DCAF4: variants seen among roughly 807,000 people sequenced by gnomAD.
DCAF4 encodes the protein DDB1- and CUL4-associated factor 4.
A neutral mutation model predicts 60.9 loss-of-function variants in DCAF4; 37 were observed. That is an observed-to-expected ratio of 0.61 (90% confidence interval 0.47 to 0.80). The LOEUF (loss-of-function observed/expected upper bound fraction) is 0.80. Ranked by LOEUF, DCAF4 falls within the 30% of genes least tolerant of loss-of-function variation. The pLI is 0.00. For synonymous variants in DCAF4, 243 were observed against 254.8 expected (o/e 0.95, Z 0.44); for missense variants, 577 against 650.0 (o/e 0.89, Z 1.22).
At position 72,955,602 on chromosome 14, in the gene DCAF4, G is replaced by A. The variant is rs1406113443; in HGVS notation, c.1085G>A (p.Trp362Ter). The change falls in exon 12 of 14, where the codon TGG (tryptophan) becomes TAG (stop). Residue 362 changes from tryptophan to a stop codon, truncating the protein, a stop_gained. Coordinates refer to ENST00000358377, the MANE Select transcript of DCAF4 (RefSeq NM_015604.4). LOFTEE classifies it high-confidence loss of function. Reference sequence around the variant, plus strand: ...CGTTGTGGAAATCAAGGCAAGGGATGGAAGGCCACCCGCCTGTTTCATGAT... The same window carrying A: ...CGTTGTGGAAATCAAGGCAAGGGATAGAAGGCCACCCGCCTGTTTCATGAT... ...DLRCGNQGKGWKATRLFHDSA... is the reference protein window; with the variant it reads ...DLRCGNQGKG 6.2e-7 allele frequency: 1 copy of A among 1,614,184 alleles called. No individual in the cohort carries two copies. Among genetic ancestry groups the A allele is most frequent in the Non-Finnish European group, 8.5e-7 (1 of 1,180,034 alleles).
At chr14:72,954,289 A>C (rs1401244283) in intron 10 of DCAF4, 27 bp downstream of exon 10, 1 of 1,613,884 alleles carries the variant, frequency 6.2e-7, no homozygotes. Context: ...AGGTGCCCAG[A>C]GAAGAGGCCT....
intron 1 of DCAF4, among the ~76,000 whole-genome samples, chr14:72,928,187 C>CTTTTTTTTTT (rs565229070): frequency 0.014 from 947 of 67,238 alleles, 170 homozygotes; most frequent in African/African-American, 0.054. Context: ...AATCCCCCCA[C>CTTTTTTTTTT]TTTTTTTTTT....
intron 8 of DCAF4, among the ~76,000 whole-genome samples, chr14:72,951,214 C>T (rs537626152): frequency 7.9e-5 from 12 of 152,060 alleles, no homozygotes; most frequent in Admixed American, 1.3e-4. Context: ...CTCCTGGACT[C>T]GAGTGATCCT....
chr14:72,951,714 C>T lies in DCAF4; in HGVS notation c.729-84C>T, dbSNP rs1000678723. On this transcript the variant is annotated intron_variant, in intron 8 of 13. Coordinates refer to ENST00000358377, the MANE Select transcript of DCAF4 (RefSeq NM_015604.4). ...GGTTACTCTGGCCTAGGTTGTGTGCCGTATGACTTTCTGAAGGGTAAATGT... is the reference window on the plus strand; with the variant it reads ...GGTTACTCTGGCCTAGGTTGTGTGCTGTATGACTTTCTGAAGGGTAAATGT... 31 of 1,316,176 alleles carry T rather than the reference C, an allele frequency of 2.4e-5. No individual in the cohort carries two copies. In the African/African-American group the frequency reaches 3.8e-4, roughly 16 times the overall value. The allele number at this position is 1,316,176 out of a possible 1,614,324, so 81.5% of individuals were successfully genotyped here.
At chr14:72,931,196 G>T (rs1356786188) in intron 1 of DCAF4, among the ~76,000 whole-genome samples, 1 of 147,130 alleles carries the variant, frequency 6.8e-6, no homozygotes, top group Non-Finnish European at 1.5e-5. Flanking sequence ...TTTCAACAGT[G>T]TTTTATAGTT....
chr14:72,958,905 G>A lies in DCAF4; in HGVS notation c.*100G>A. 6.8e-7 allele frequency: 1 copy of A among 1,473,676 alleles called. No homozygotes were observed. Among genetic ancestry groups the A allele is most frequent in the South Asian group, 1.4e-5 (1 of 70,166 alleles). The allele number at this position is 1,473,676 out of a possible 1,614,324, so 91.3% of individuals were successfully genotyped here. On this transcript the variant is annotated 3_prime_UTR_variant, in exon 14 of 14. Coordinates refer to ENST00000358377, the MANE Select transcript of DCAF4 (RefSeq NM_015604.4). ...GAGGGTGTTTTAAGTGACACTCAGT[G>A]TACACAGATCCCATCCTCTGGCTGC...
rs1282059298 is a variant in DCAF4 at position 72,953,767 on chromosome 14, T to A, written c.809-397T>A. ...TATATATATATATATATATATAGTT[T>A]ATTTATTTATTTATTTGTGTGTGTG... On this transcript the variant is annotated intron_variant, in intron 9 of 13. Transcript: ENST00000358377. Among the ~76,000 whole-genome samples the A allele has an allele frequency of 5.7e-3, 156 of 27,258 alleles. 15 individuals are homozygous for A. The highest frequency in any genetic ancestry group is 0.015 in the Middle Eastern group (1 of 66). 17.9% of individuals were successfully genotyped at this position (27,258 alleles called of 152,430 possible).
At chr14:72,952,775 ACCTCCG>A (rs561799575) in intron 9 of DCAF4, among the ~76,000 whole-genome samples, 150 of 144,288 alleles carry the variant, frequency 1.0e-3, no homozygotes, top group African/African-American at 3.5e-3. Flanking sequence ...GCTCACCACA[ACCTCCG>A]CCTCCCAGGT....
At chr14:72,929,739 A>G (rs6574112) in intron 1 of DCAF4, 1,074,493 of 1,104,112 alleles carry the variant, frequency 0.97, 522,971 homozygotes, top group East Asian at 1. Flanking sequence ...TTTCTCCTTG[A>G]AGACCTTCAG....
At chr14:72,928,585 TTA>T (rs57258334) in intron 1 of DCAF4, among the ~76,000 whole-genome samples, 1,360 of 15,792 alleles carry the variant, frequency 0.086, 14 homozygotes, top group South Asian at 0.19. Context: ...TAAACATCCT[TTA>T]TATATATATA....
chr14:72,954,691 A>T (rs1264889872), intron 11 of DCAF4, among the ~76,000 whole-genome samples: 2 of 152,154 alleles, frequency 1.3e-5, no homozygotes, highest in Non-Finnish European at 2.9e-5. Context: ...TGCTCTACAC[A>T]ACCTCTCATG....
At chr14:72,939,352 G>T (rs1244470861) in intron 2 of DCAF4, among the ~76,000 whole-genome samples, 2 of 152,100 alleles carry the variant, frequency 1.3e-5, no homozygotes, top group African/African-American at 4.8e-5. Flanking sequence ...CCAAACCCCA[G>T]TTTCTCTGTC....
rs1172330910 is a variant in DCAF4, at chr14:72,959,445, A to G, written c.*640A>G. Reference sequence around the variant, plus strand: ...CTAGAAGTTTTAAACGGTCCTTAACATGCCTTTGTTCAAGCACCTTCCAGA... The same window carrying G: ...CTAGAAGTTTTAAACGGTCCTTAACGTGCCTTTGTTCAAGCACCTTCCAGA... On this transcript the variant is annotated 3_prime_UTR_variant, in exon 14 of 14. Transcript: ENST00000358377. 2 of 985,380 alleles carry G rather than the reference A, an allele frequency of 2.0e-6. No homozygotes were observed. The highest frequency in any genetic ancestry group is 2.4e-6 in the Non-Finnish European group (2 of 829,944). The allele number at this position is 985,380 out of a possible 1,614,324, so 61.0% of individuals were successfully genotyped here.
chr14:72,932,880 T>C (rs1888747111), intron 1 of DCAF4, among the ~76,000 whole-genome samples: 1 of 151,480 alleles, frequency 6.6e-6, no homozygotes, highest in East Asian at 1.9e-4. Flanking sequence ...AATAATTTTT[T>C]TTTCTTTCTT....
chr14:72,954,380 C>T lies in DCAF4; in HGVS notation c.908-6C>T, dbSNP rs373042856. The T allele has an allele frequency of 1.3e-4, 203 of 1,614,046 alleles. No individual in the cohort carries two copies. Among genetic ancestry groups the T allele is most frequent in the Admixed American group, 1.8e-4 (11 of 59,998 alleles). ...AATCTTACCAGCCCATCTCTGTCTCCGCCAGGCTTGTCTCGGCGGGTCCTG... is the reference window on the plus strand; with the variant it reads ...AATCTTACCAGCCCATCTCTGTCTCTGCCAGGCTTGTCTCGGCGGGTCCTG... On this transcript the variant is annotated splice_region_variant and splice_polypyrimidine_tract_variant and intron_variant, in intron 10 of 13. Coordinates refer to ENST00000358377, the MANE Select transcript of DCAF4 (RefSeq NM_015604.4).
In DCAF4 at chr14:72,958,728, C is replaced by T. The variant is rs139428330; in HGVS notation, c.1411C>T (p.Arg471Trp). ...ADIPSVAFSS[R>W]LGGSRGAPGL... ...CATTCCCAGTGTGGCCTTCTCGTCG[C>T]GGCTGGGGGGCTCCCGGGGCGCGCC... Residue 471 changes from arginine to tryptophan, a missense_variant, in exon 14 of 14, where the codon CGG becomes TGG. Arg to Trp is a moderately radical substitution (Grantham distance 101, BLOSUM62 -3). Coordinates refer to ENST00000358377, the MANE Select transcript of DCAF4 (RefSeq NM_015604.4). 1.7e-5 allele frequency: 27 copies of T among 1,613,462 alleles called. No individual in the cohort carries two copies. Among genetic ancestry groups the T allele is most frequent in the South Asian group, 2.2e-5 (2 of 90,976 alleles).
chr14:72,952,515 T>C (rs1340373363), intron 9 of DCAF4, among the ~76,000 whole-genome samples: 1 of 152,168 alleles, frequency 6.6e-6, no homozygotes, highest in Non-Finnish European at 1.5e-5. Context: ...CAGGAGTGTG[T>C]CTTACCACCA....
At chr14:72,961,231 T>C (rs1892808392), downstream of DCAF4, among the ~76,000 whole-genome samples, 5 of 152,212 alleles carry the variant, frequency 3.3e-5, no homozygotes, top group South Asian at 1.0e-3. Flanking sequence ...GGGAAACAAG[T>C]TTGTTGAGTT....
intron 6 of DCAF4, among the ~76,000 whole-genome samples, chr14:72,944,021 T>C (rs1354083397): frequency 2.0e-5 from 3 of 152,100 alleles, no homozygotes; most frequent in Admixed American, 6.6e-5. Flanking sequence ...ACTGAATGAG[T>C]AGAATCGTCT....
Sources: allele counts gnomAD v4.1 joint callset (sites outside exome capture counted in the v4.1 genomes callset), GRCh38; gene constraint gnomAD v4.1.1; transcripts MANE v1.5; gene names NCBI Gene and HGNC (gene_info 2026-07-23, HGNC 2026-07-21).